The following MBNL1 variants were observed in gnomAD, a reference collection of about 807,000 sequenced individuals.
MBNL1 encodes the protein muscleblind-like protein 1.
In MBNL1, 8 loss-of-function variants were observed where a neutral mutation model predicts 42.2. The observed-to-expected ratio is 0.19, with a 90% CI of 0.11 to 0.34. The LOEUF is 0.34. Among genes scored for constraint, MBNL1 ranks in the 10% least tolerant of loss-of-function variants. The probability of loss-of-function intolerance (pLI) is 1.00; values close to 1 mark genes in which losing one functional copy is unlikely to be tolerated. For missense variants in MBNL1, 309 were observed against 495.3 expected (o/e 0.62, Z 3.57); for synonymous variants, 169 against 173.9 (o/e 0.97, Z 0.22).
chr3:152,277,008 G>T (rs114690746), intron 1 of MBNL1, among the ~76,000 whole-genome samples: 8,600 of 152,066 alleles, frequency 0.057, 319 homozygotes, highest in Non-Finnish European at 0.084. Context: ...GGCAATGGGG[G>T]TATTAACAAT....
At chr3:152,315,970 G>T (rs2070953209) in intron 2 of MBNL1, among the ~76,000 whole-genome samples, 1 of 151,920 alleles carries the variant, frequency 6.6e-6, no homozygotes, top group African/African-American at 2.4e-5. Context: ...AATTTCTGAA[G>T]TTCTCATAAT....
intron 2 of MBNL1, among the ~76,000 whole-genome samples, chr3:152,336,987 G>A (rs910357085): frequency 2.6e-5 from 4 of 152,112 alleles, no homozygotes; most frequent in Non-Finnish European, 5.9e-5. Flanking sequence ...TTTGCTTCGA[G>A]TCTTGAAAAA....
chr3:152,419,685 TTTTGTTTGTTTGTTTGTTTG>T (rs137968164), intron 3 of MBNL1, among the ~76,000 whole-genome samples: 18 of 149,194 alleles, frequency 1.2e-4, no homozygotes, highest in African/African-American at 3.0e-4. Context: ...GCAGGAGTTT[TTTTGTTTGTTTGTTTGTTTG>T]TTTGTTTGTT....
intron 2 of MBNL1, among the ~76,000 whole-genome samples, chr3:152,367,337 TC>T (rs1358912191): frequency 1.3e-5 from 2 of 152,182 alleles, no homozygotes; most frequent in Non-Finnish European, 2.9e-5. Flanking sequence ...TTCATCCATG[TC>T]CCTGCAAAGG....
At chr3:152,446,109 G>C (rs2099220958) in intron 5 of MBNL1, among the ~76,000 whole-genome samples, 1 of 152,024 alleles carries the variant, frequency 6.6e-6, no homozygotes, top group South Asian at 2.1e-4. Context: ...CCATTATATA[G>C]ACAGGAGAGA....
intron 1 of MBNL1, among the ~76,000 whole-genome samples, chr3:152,288,288 G>C (rs1009441862): frequency 7.9e-5 from 12 of 152,174 alleles, no homozygotes; most frequent in African/African-American, 2.9e-4. Flanking sequence ...TCATATAAGA[G>C]TATATACCTA....
intron 3 of MBNL1, among the ~76,000 whole-genome samples, chr3:152,429,810 GTGTC>G (rs554677446): frequency 0.02 from 3,062 of 152,142 alleles, 58 homozygotes; most frequent in African/African-American, 0.055. Context: ...GTGTGTGTGT[GTGTC>G]TGTCTGTCTG....
chr3:152,336,402 C>T (rs2090214450), intron 2 of MBNL1, among the ~76,000 whole-genome samples: 1 of 152,128 alleles, frequency 6.6e-6, no homozygotes, highest in Admixed American at 6.6e-5. Context: ...AGGTCAGCCT[C>T]CATTTGGATT....
chr3:152,252,081 A>T (rs1384136005), intron 2 of MBNL1, among the ~76,000 whole-genome samples: 6 of 152,016 alleles, frequency 3.9e-5, no homozygotes, highest in Non-Finnish European at 8.8e-5. Flanking sequence ...TTTGGTGCTT[A>T]AATTGTTCAC....
chr3:152,347,721 G>A (rs372249837), intron 2 of MBNL1, among the ~76,000 whole-genome samples: 14 of 152,154 alleles, frequency 9.2e-5, no homozygotes, highest in Middle Eastern at 3.4e-3. Flanking sequence ...ATGTTTTCTC[G>A]GAAGTATACC....
chr3:152,356,101 T>C (rs1309437503), intron 2 of MBNL1, among the ~76,000 whole-genome samples: 5 of 152,212 alleles, frequency 3.3e-5, no homozygotes, highest in Non-Finnish European at 7.3e-5. Context: ...GAAATTTTCA[T>C]GGTTTTATGA....
At chr3:152,404,770 CTAAA>C (rs1276983143) in intron 2 of MBNL1, among the ~76,000 whole-genome samples, 6 of 148,700 alleles carry the variant, frequency 4.0e-5, no homozygotes, top group African/African-American at 1.5e-4. Flanking sequence ...TATTTTATAT[CTAAA>C]TATAATATAT....
Position 152,300,130 on chromosome 3 carries a change from C to A in MBNL1, c.-64C>A. On this transcript the variant is annotated 5_prime_UTR_variant, in exon 2 of 10. Transcript: ENST00000324210. Reference sequence around the variant, plus strand: ...CAGCTTTTTTTTTTTGGTTGTTGCTCTTTTTTGGGGGGGTTGGGTTTGTTG... The same window carrying A: ...CAGCTTTTTTTTTTTGGTTGTTGCTATTTTTTGGGGGGGTTGGGTTTGTTG... 4 of 1,062,972 alleles carry A rather than the reference C, an allele frequency of 3.8e-6. No individual in the cohort carries two copies. The highest frequency in any genetic ancestry group is 4.0e-5 in the South Asian group (2 of 50,206). The allele number at this position is 1,062,972 out of a possible 1,614,324, so 65.8% of individuals were successfully genotyped here.
At chr3:152,340,654 A>T (rs1322859758) in intron 2 of MBNL1, 1 of 1,614,020 alleles carries the variant, frequency 6.2e-7, no homozygotes, top group Non-Finnish European at 8.5e-7. Flanking sequence ...AATGTTCCAG[A>T]GTGTTAGAAT....
chr3:152,464,122 A>C lies in MBNL1; in HGVS notation c.*1756A>C, dbSNP rs1012499940. ...AATATTACTTATTTTTCTTGTTAAA[A>C]TGTAGTTTTTCATTTCCTACATTTA... On this transcript the variant is annotated 3_prime_UTR_variant, in exon 10 of 10. Transcript: ENST00000324210. The C allele has an allele frequency of 1.3e-5, 2 of 152,528 alleles. No homozygotes were observed. Among genetic ancestry groups the C allele is most frequent in the African/African-American group, 2.4e-5 (1 of 41,464 alleles). The allele number at this position is 152,528 out of a possible 1,614,324, so 9.4% of individuals were successfully genotyped here. A position where few individuals can be genotyped will look rare whatever the true frequency, so the allele number is the denominator to read the frequency against.
At chr3:152,304,206 G>A (rs573068207) in intron 2 of MBNL1, among the ~76,000 whole-genome samples, 1 of 152,202 alleles carries the variant, frequency 6.6e-6, no homozygotes, top group South Asian at 2.1e-4. Flanking sequence ...AGGCAAACAA[G>A]TATCCAGATG....
intron 4 of MBNL1, among the ~76,000 whole-genome samples, chr3:152,443,446 A>G (rs2099170684): frequency 6.8e-6 from 1 of 146,706 alleles, no homozygotes; most frequent in African/African-American, 2.5e-5. Flanking sequence ...TTAAACAGAA[A>G]AGTAGCCCTT....
rs73009972 is a variant in MBNL1, at chr3:152,382,244, C to T, written c.175-32697C>T. Among the ~76,000 whole-genome samples, 663 of 152,172 alleles carry T rather than the reference C, an allele frequency of 4.4e-3. 4 individuals carry two copies. Among genetic ancestry groups the T allele is most frequent in the African/African-American group, 0.015 (635 of 41,534 alleles). On this transcript the variant is annotated intron_variant, in intron 2 of 9. Transcript: ENST00000324210. ...TACACAGTAGTTAAGCTAAATGCCA[C>T]TCAGACAATGATTTATTTATTAAAG...
intron 3 of MBNL1, 108 bp from the exon 4 acceptor site, chr3:152,432,609 A>C: frequency 2.5e-5 from 22 of 864,548 alleles, no homozygotes; most frequent in Non-Finnish European, 3.8e-5. Flanking sequence ...GAAGGAGGGA[A>C]GGCCTAAGGA....
Sources: allele counts gnomAD v4.1 joint callset (sites outside exome capture counted in the v4.1 genomes callset), GRCh38; gene constraint gnomAD v4.1.1; transcripts MANE v1.5; gene names NCBI Gene and HGNC (gene_info 2026-07-23, HGNC 2026-07-21).